The following ITM2B variants were observed in gnomAD, a reference collection of about 807,000 sequenced individuals.
ITM2B encodes the protein ABri/ADan amyloid peptide.
In ITM2B, 11 loss-of-function variants were observed where a neutral mutation model predicts 27.8. That is an observed-to-expected ratio of 0.40 (90% CI 0.25 to 0.66). The LOEUF (loss-of-function observed/expected upper bound fraction) is 0.66, where lower values mean the gene tolerates loss of function less well. ITM2B is among the 30% of genes least tolerant of loss of function. The pLI is 0.43. For synonymous variants in ITM2B, 114 were observed against 114.3 expected (o/e 1.00, Z 0.02); for missense variants, 296 against 328.9 (o/e 0.90, Z 0.77).
At chr13:48,253,424 AC>A (rs1436332295) in intron 1 of ITM2B, among the ~76,000 whole-genome samples, 2 of 152,236 alleles carry the variant, frequency 1.3e-5, no homozygotes, top group Non-Finnish European at 2.9e-5. Context: ...TTTATAATGT[AC>A]AAGGCTCATC....
intron 1 of ITM2B, among the ~76,000 whole-genome samples, chr13:48,247,760 T>A (rs1056038515): frequency 1.3e-5 from 2 of 152,178 alleles, no homozygotes; most frequent in African/African-American, 4.8e-5. Flanking sequence ...ATGCTGAGAT[T>A]TATTTGAACT....
chr13:48,243,203 C>A (rs1321211968), intron 1 of ITM2B, among the ~76,000 whole-genome samples: 2 of 152,336 alleles, frequency 1.3e-5, no homozygotes, highest in East Asian at 3.9e-4. Context: ...AGAGGCAACT[C>A]ATTACCAACT....
intron 1 of ITM2B, among the ~76,000 whole-genome samples, chr13:48,246,383 A>G (rs1376621311): frequency 6.6e-6 from 1 of 152,234 alleles, no homozygotes; most frequent in African/African-American, 2.4e-5. Flanking sequence ...TCATTTCAAA[A>G]GGCAAATTAA....
rs1045922548 is a variant in ITM2B at position 48,265,344 on chromosome 13, G to A, written c.*4120G>A. On this transcript the variant is annotated 3_prime_UTR_variant, in exon 6 of 6. Coordinates refer to ENST00000647800, the MANE Select transcript of ITM2B (RefSeq NM_021999.5). ...ACGCCTTCTTCTTTCCAAACAGTGT[G>A]GTCTTATCCCCGTCGCAAATGGAGG... 4 of 152,048 alleles carry A rather than the reference G, an allele frequency of 2.6e-5. No homozygotes were observed. The highest frequency in any genetic ancestry group is 9.7e-5 in the African/African-American group (4 of 41,378). The allele number at this position is 152,048 out of a possible 1,614,324, so 9.4% of individuals were successfully genotyped here. A position where few individuals can be genotyped will look rare whatever the true frequency, so the allele number is the denominator to read the frequency against.
Position 48,258,214 on chromosome 13 carries a change from T to A in ITM2B, c.542T>A (p.Leu181Gln). The A allele has an allele frequency of 6.5e-7, 1 of 1,549,890 alleles. No individual in the cohort carries two copies. The highest frequency in any genetic ancestry group is 8.9e-7 in the Non-Finnish European group (1 of 1,121,696). ...TSIVMPPRNLLELLINIKAGT... is the reference protein window; with the variant it reads ...TSIVMPPRNLQELLINIKAGT... Reference sequence around the variant, plus strand: ...ATTGTTATGCCACCCAGAAACCTACTGGAGTTACTTATTAACATCAAGGTA... The same window carrying A: ...ATTGTTATGCCACCCAGAAACCTACAGGAGTTACTTATTAACATCAAGGTA... Residue 181 changes from leucine (L) to glutamine (Q), a missense_variant, in exon 4 of 6, where the codon CTG becomes CAG. Physicochemically the swap from Leu to Gln is moderately radical, Grantham distance 113. Coordinates refer to ENST00000647800, the MANE Select transcript of ITM2B (RefSeq NM_021999.5).
In ITM2B at chr13:48,233,233, T is replaced by A. The variant is rs1480723723; in HGVS notation, c.-128T>A. On this transcript the variant is annotated 5_prime_UTR_variant, in exon 1 of 6. Coordinates refer to ENST00000647800, the MANE Select transcript of ITM2B (RefSeq NM_021999.5). ...TAGCCGCCTCTGCCGCCGCGGAGCTTCCCGAACCTCTTCAGCCGCCCGGAG... is the reference window on the plus strand; with the variant it reads ...TAGCCGCCTCTGCCGCCGCGGAGCTACCCGAACCTCTTCAGCCGCCCGGAG... 7.2e-6 allele frequency: 4 copies of A among 558,370 alleles called. No individual in the cohort carries two copies. Among genetic ancestry groups the A allele is most frequent in the Non-Finnish European group, 1.2e-5 (4 of 326,430 alleles). 34.6% of individuals were successfully genotyped at this position (558,370 alleles called of 1,614,324 possible).
At chr13:48,235,810 A>AT (rs1437789772) in intron 1 of ITM2B, among the ~76,000 whole-genome samples, 7 of 152,146 alleles carry the variant, frequency 4.6e-5, no homozygotes, top group Non-Finnish European at 4.4e-5. Context: ...CTGAACAAGA[A>AT]TTTTTCTTAT....
At chr13:48,256,100 G>A (rs1304436654) in intron 2 of ITM2B, 77 bp from the exon 3 acceptor site, 1 of 1,002,718 alleles carries the variant, frequency 1.0e-6, no homozygotes, top group Non-Finnish European at 1.6e-6. Flanking sequence ...TTAGATAGAG[G>A]TGGCAGCTTA....
intron 5 of ITM2B, among the ~76,000 whole-genome samples, chr13:48,260,568 C>A (rs1167229011): frequency 1.4e-5 from 2 of 147,524 alleles, no homozygotes; most frequent in Non-Finnish European, 3.0e-5. Flanking sequence ...ATCTTTATGT[C>A]AGTGAGTTCC....
chr13:48,262,548 A>C lies in ITM2B; in HGVS notation c.*1324A>C, dbSNP rs1360192474. The C allele has an allele frequency of 6.6e-6, 1 of 152,172 alleles. No individual in the cohort carries two copies. Among genetic ancestry groups the C allele is most frequent in the African/African-American group, 2.4e-5 (1 of 41,452 alleles). 9.4% of individuals were successfully genotyped at this position (152,172 alleles called of 1,614,324 possible). A position where few individuals can be genotyped will look rare whatever the true frequency, so the allele number is the denominator to read the frequency against. Reference sequence around the variant, plus strand: ...AGACAATATGTTTCAATAAAATGAGAATTGGTTTTTCCTACTTTCCAGGCT... The same window carrying C: ...AGACAATATGTTTCAATAAAATGAGCATTGGTTTTTCCTACTTTCCAGGCT... On this transcript the variant is annotated 3_prime_UTR_variant, in exon 6 of 6. Transcript: ENST00000647800.
rs1951787726 is a variant in ITM2B, at chr13:48,256,210, A to G, written c.280A>G (p.Ile94Val). The part of the protein sequence containing the change: ...DDVYYCGIKY[I>V]KDDVILNEPS... ...CGTGTACTACTGTGGAATAAAGTAC[A>G]TCAAAGATGATGTCATCTTAAATGA... Residue 94 changes from isoleucine to valine, a missense_variant, in exon 3 of 6, where the codon ATC (isoleucine) becomes GTC (valine). Physicochemically the swap from Ile to Val is conservative, Grantham distance 29. Transcript: ENST00000647800. 2.5e-6 allele frequency: 4 copies of G among 1,613,734 alleles called. No individual in the cohort carries two copies. The highest frequency in any genetic ancestry group is 3.4e-6 in the Non-Finnish European group (4 of 1,179,788).
intron 1 of ITM2B, among the ~76,000 whole-genome samples, chr13:48,245,697 T>G (rs1477539389): frequency 1.3e-5 from 2 of 152,112 alleles, no homozygotes; most frequent in African/African-American, 4.8e-5. Flanking sequence ...TCATTCTATA[T>G]TACTGCTTTT....
intron 2 of ITM2B, 135 bp from the exon 3 acceptor site, chr13:48,256,042 C>T (rs1385611569): frequency 4.3e-6 from 3 of 695,534 alleles, no homozygotes; most frequent in Admixed American, 4.2e-5. Flanking sequence ...TGTAATTAAA[C>T]TGTCTGACTT....
rs1951833162 is a variant in ITM2B, at chr13:48,263,430, G to C, written c.*2206G>C. On this transcript the variant is annotated 3_prime_UTR_variant, in exon 6 of 6. Coordinates refer to ENST00000647800, the MANE Select transcript of ITM2B (RefSeq NM_021999.5). ...CCCTTTGAACCCTTGTGCCATGCTG[G>C]AAACTGTGGTCTTGGTGTGGCATGG... 1 of 152,156 alleles carries C rather than the reference G, an allele frequency of 6.6e-6. No homozygotes were observed. Among genetic ancestry groups the C allele is most frequent in the Admixed American group, 6.6e-5 (1 of 15,258 alleles). 9.4% of individuals were successfully genotyped at this position (152,156 alleles called of 1,614,324 possible).
chr13:48,255,724 A>G (rs1262780511), intron 2 of ITM2B, among the ~76,000 whole-genome samples: 1 of 152,216 alleles, frequency 6.6e-6, no homozygotes, highest in Non-Finnish European at 1.5e-5. Flanking sequence ...GCATATAGAA[A>G]TTTCAGAAAA....
At chr13:48,242,389 GTTTCTTTC>G (rs534078797) in intron 1 of ITM2B, among the ~76,000 whole-genome samples, 38 of 151,358 alleles carry the variant, frequency 2.5e-4, no homozygotes, top group African/African-American at 9.0e-4. Context: ...AACTTACCAA[GTTTCTTTC>G]TTTCTTTCTT....
intron 5 of ITM2B, among the ~76,000 whole-genome samples, chr13:48,260,700 G>C (rs934304341): frequency 2.0e-5 from 3 of 152,114 alleles, no homozygotes; most frequent in African/African-American, 7.2e-5. Flanking sequence ...CAAAGGACAT[G>C]ATTTCTTTTT....
At chr13:48,244,925 G>A (rs760865717) in intron 1 of ITM2B, among the ~76,000 whole-genome samples, 1 of 152,158 alleles carries the variant, frequency 6.6e-6, no homozygotes, top group African/African-American at 2.4e-5. Flanking sequence ...ATATAATGCT[G>A]TTGTTTATGA....
Position 48,268,113 on chromosome 13 carries a change from G to A in ITM2B, c.*6889G>A, listed in dbSNP as rs1255668125. On this transcript the variant is annotated 3_prime_UTR_variant, in exon 6 of 6. Transcript: ENST00000647800. ...TTCTATGACCATAGTTCAGTTTTTGGCTATTCTTGAACTTTATTTGAATGG... is the reference window on the plus strand; with the variant it reads ...TTCTATGACCATAGTTCAGTTTTTGACTATTCTTGAACTTTATTTGAATGG... 3 of 151,908 alleles carry A rather than the reference G, an allele frequency of 2.0e-5. No homozygotes were observed. Among genetic ancestry groups the A allele is most frequent in the Non-Finnish European group, 4.4e-5 (3 of 67,970 alleles). 9.4% of individuals were successfully genotyped at this position (151,908 alleles called of 1,614,324 possible).
Sources: gnomAD v4.1 joint callset for allele counts (sites outside exome capture counted in the v4.1 genomes callset) on GRCh38, gnomAD v4.1.1 for gene constraint, MANE v1.5 for transcripts, NCBI Gene and HGNC (gene_info 2026-07-23, HGNC 2026-07-21) for gene names.